EPS8L2: variants seen among roughly 807,000 people sequenced by gnomAD.
EPS8L2 encodes epidermal growth factor receptor kinase substrate 8-like protein 2.
A neutral mutation model predicts 99.4 loss-of-function variants in EPS8L2; 81 were observed. That is an observed-to-expected ratio of 0.82 (90% CI 0.68 to 0.98). The LOEUF is 0.98. Ranked by LOEUF, EPS8L2 falls within the 50% of genes least tolerant of loss-of-function variation. EPS8L2 has a pLI of 0.00. For missense variants in EPS8L2, 1,155 were observed against 968.8 expected, an observed-to-expected ratio of 1.19 and a Z score of -2.55; for synonymous variants, 509 against 407.3, an observed-to-expected ratio of 1.25 and a Z score of -3.01.
intron 1 of EPS8L2, among the ~76,000 whole-genome samples, chr11:707,142 CCCCTCCTGGG>C (rs1861746858): frequency 3.9e-5 from 6 of 151,942 alleles, no homozygotes; most frequent in Non-Finnish European, 7.4e-5. Context: ...CCCCTCGCGG[CCCCTCCTGGG>C]TCCCAGCCTC....
In EPS8L2 at chr11:709,627, C is replaced by G; in HGVS notation, c.100+19C>G. The G allele has an allele frequency of 6.2e-7, 1 of 1,611,726 alleles. No homozygotes were observed. Among genetic ancestry groups the G allele is most frequent in the Non-Finnish European group, 8.5e-7 (1 of 1,179,604 alleles). On this transcript the variant is annotated intron_variant, in intron 3 of 20. Coordinates refer to ENST00000318562, the MANE Select transcript of EPS8L2 (RefSeq NM_022772.4). ...CTGTTTGGTGAGTGAGGTTTGAGAACGGGCTGGACGTCACAGGGGAGAAAT... is the reference window on the plus strand; with the variant it reads ...CTGTTTGGTGAGTGAGGTTTGAGAAGGGGCTGGACGTCACAGGGGAGAAAT...
intron 1 of EPS8L2, among the ~76,000 whole-genome samples, chr11:707,905 A>T (rs1394560561): frequency 6.6e-6 from 1 of 152,126 alleles, no homozygotes; most frequent in Non-Finnish European, 1.5e-5. Flanking sequence ...GAATCCCATT[A>T]AGCAAACACT....
Position 721,223 on chromosome 11 carries a change from G to A in EPS8L2, c.700+17G>A, listed in dbSNP as rs1411703288. On this transcript the variant is annotated intron_variant, in intron 8 of 20. Coordinates refer to ENST00000318562, the MANE Select transcript of EPS8L2 (RefSeq NM_022772.4). ...GCGAGCCAGGTGGGCCGAGGGGCTG[G>A]AGGGGGCTCCACAGGGCTCGTTGTG... 7 of 1,534,182 alleles carry A rather than the reference G, an allele frequency of 4.6e-6. No homozygotes were observed. In the Admixed American group the frequency reaches 6.0e-5, roughly 13 times the overall value.
chr11:717,710 C>G lies in EPS8L2; in HGVS notation c.166-2352C>G, dbSNP rs1590051327. 3.3e-5 allele frequency among the ~76,000 whole-genome samples: 5 copies of G among 152,086 alleles called. No individual in the cohort carries two copies. The South Asian group carries it at 1.0e-3, about 32-fold the overall frequency. On this transcript the variant is annotated intron_variant, in intron 4 of 20. Coordinates refer to ENST00000318562, the MANE Select transcript of EPS8L2 (RefSeq NM_022772.4). ...CCTGGGCAACATAGCAAGCCCTTGTCTCTAGAAAAAATAAATAGGCAGGGC... is the reference window on the plus strand; with the variant it reads ...CCTGGGCAACATAGCAAGCCCTTGTGTCTAGAAAAAATAAATAGGCAGGGC...
At chr11:707,211 G>A (rs187648303) in intron 1 of EPS8L2, among the ~76,000 whole-genome samples, 7 of 152,174 alleles carry the variant, frequency 4.6e-5, no homozygotes, top group African/African-American at 1.7e-4. Context: ...CTCTCCCACC[G>A]GGCCTTCTCC....
chr11:718,721 T>G (rs1590051896), intron 4 of EPS8L2, among the ~76,000 whole-genome samples: 1 of 151,080 alleles, frequency 6.6e-6, no homozygotes, highest in South Asian at 2.1e-4. Context: ...CAGGCTGGAG[T>G]GCAGTGGCAC....
chr11:724,464 G>A lies in EPS8L2; in HGVS notation c.1455-260G>A. ...AGACCCCTGAGGTGGCCTGGGATGG[G>A]CCAGCCTTGCTGTACCACAGGCCCC... is the stretch of plus-strand genomic sequence containing the variant. On this transcript the variant is annotated intron_variant, in intron 15 of 20. Coordinates refer to ENST00000318562, the MANE Select transcript of EPS8L2 (RefSeq NM_022772.4). This position sits in a 1 kb window ranked among gnomAD's most constrained non-coding sequence, Gnocchi z 5.5. The A allele has an allele frequency of 2.0e-6, 1 of 510,972 alleles. No individual in the cohort carries two copies. Among genetic ancestry groups the A allele is most frequent in the South Asian group, 2.1e-5 (1 of 47,316 alleles). 31.7% of individuals were successfully genotyped at this position (510,972 alleles called of 1,614,324 possible). A position where few individuals can be genotyped will look rare whatever the true frequency, so the allele number is the denominator to read the frequency against.
intron 4 of EPS8L2, among the ~76,000 whole-genome samples, chr11:715,482 A>C (rs1861997558): frequency 6.6e-6 from 1 of 152,094 alleles, no homozygotes; most frequent in African/African-American, 2.4e-5. Flanking sequence ...CAAGTTTATT[A>C]ACCTTCTCAT....
chr11:726,101 G>A lies in EPS8L2; in HGVS notation c.1684G>A (p.Gly562Ser), dbSNP rs376984228. 1.9e-6 allele frequency: 3 copies of A among 1,591,554 alleles called. No homozygotes were observed. The highest frequency in any genetic ancestry group is 2.7e-5 in the African/African-American group (2 of 74,176). ...TAATCGCCCCCCGCCCCCGCAGGCC[G>A]GTCAGAAGTACTGGGGCCCCGCCAG... ...EDAGAPFEQA[G>S]QKYWGPASPT... Residue 562 changes from glycine to serine, a missense_variant, in exon 18 of 21, where the codon GGT (glycine) becomes AGT (serine). Physicochemically the swap from Gly to Ser is moderately conservative, Grantham distance 56 (BLOSUM62 0). Transcript: ENST00000318562.
At chr11:720,487 C>G in intron 5 of EPS8L2, 110 bp from the exon 6 acceptor site, 1 of 1,502,674 alleles carries the variant, frequency 6.7e-7, no homozygotes, top group Non-Finnish European at 9.0e-7. Context: ...AGCCCATTCC[C>G]CAGCGGCGCC....
At chr11:725,512 G>A (rs978642723) in intron 16 of EPS8L2, among the ~76,000 whole-genome samples, 1 of 152,086 alleles carries the variant, frequency 6.6e-6, no homozygotes, top group African/African-American at 2.4e-5. Context: ...CCCTGTCTCC[G>A]AGAAAAAAAG....
Position 709,464 on chromosome 11 carries a change from A to AAC in EPS8L2, c.44+13_44+14insAC. ...CGGGTGCCACCAAGTGAGCCCTCCC[A>AAC]CCCATCCCGAATACCCCACCCTCAC... On this transcript the variant is annotated intron_variant, in intron 2 of 20. Transcript: ENST00000318562. The AAC allele has an allele frequency of 1.6e-5, 12 of 753,592 alleles. No individual in the cohort carries two copies. The highest frequency in any genetic ancestry group is 2.4e-5 in the Non-Finnish European group (11 of 458,628). 46.7% of individuals were successfully genotyped at this position (753,592 alleles called of 1,614,324 possible). A position where few individuals can be genotyped will look rare whatever the true frequency, so the allele number is the denominator to read the frequency against.
chr11:709,883 G>A lies in EPS8L2; in HGVS notation c.100+275G>A, dbSNP rs911491954. 59 of 545,812 alleles carry A rather than the reference G, an allele frequency of 1.1e-4. 1 individual carries two copies. In the East Asian group the frequency reaches 1.2e-3, roughly 11 times the overall value. 33.8% of individuals were successfully genotyped at this position (545,812 alleles called of 1,614,324 possible). ...CTCATTGCTGTAACCTGATCACAGCGAGGTTCAGGCAGGATAAGCCGCCAG... is the reference window on the plus strand; with the variant it reads ...CTCATTGCTGTAACCTGATCACAGCAAGGTTCAGGCAGGATAAGCCGCCAG... On this transcript the variant is annotated intron_variant, in intron 3 of 20. Transcript: ENST00000318562.
intron 7 of EPS8L2, 39 bp downstream of exon 7, chr11:720,948 AG>A: frequency 1.2e-6 from 1 of 815,762 alleles, no homozygotes; most frequent in Non-Finnish European, 1.7e-6. Context: ...GGGGGCGGGG[AG>A]GGGAGGAGCC....
intron 4 of EPS8L2, among the ~76,000 whole-genome samples, chr11:719,613 G>T (rs938179784): frequency 1.3e-5 from 2 of 152,384 alleles, no homozygotes; most frequent in South Asian, 4.1e-4. Flanking sequence ...TAGCGAGCAC[G>T]CTGGACGCAC....
At chr11:707,450 C>T (rs373167767) in intron 1 of EPS8L2, among the ~76,000 whole-genome samples, 10 of 152,236 alleles carry the variant, frequency 6.6e-5, no homozygotes, top group African/African-American at 2.4e-4. Flanking sequence ...GTCCCTCTAC[C>T]CTCCTGCCCT....
Position 709,391 on chromosome 11 carries a change from C to T in EPS8L2, c.-17C>T, listed in dbSNP as rs556109584. On this transcript the variant is annotated 5_prime_UTR_variant, in exon 2 of 21. Transcript: ENST00000318562. ...CTGAGGTCTGCCCTTCTCCCGCTGG[C>T]CGCCACCCAAGACACCATGAGCCAG... 55 of 1,571,332 alleles carry T rather than the reference C, an allele frequency of 3.5e-5. No homozygotes were observed. Among genetic ancestry groups the T allele is most frequent in the Non-Finnish European group, 4.7e-5 (54 of 1,160,046 alleles).
Position 720,689 on chromosome 11 carries a change from C to T in EPS8L2, c.420C>T (p.Cys140=). The change falls in exon 6 of 21, where the codon TGC becomes TGT. Residue 140 remains cysteine, a synonymous_variant. Transcript: ENST00000318562. ...ACCCGTCTGTGCTGCTGCTCGTGTG[C>T]CAGGACTCGGAGCAGAGCAAGCCGG... The part of the protein sequence containing the change: ...LRYPSVLLLV[C]QDSEQSKPDV... 6.3e-7 allele frequency: 1 copy of T among 1,598,384 alleles called. No homozygotes were observed. The highest frequency in any genetic ancestry group is 8.5e-7 in the Non-Finnish European group (1 of 1,173,922).
At chr11:723,777 C>A (rs544595308) in intron 15 of EPS8L2, among the ~76,000 whole-genome samples, 23 of 151,818 alleles carry the variant, frequency 1.5e-4, no homozygotes, top group Non-Finnish European at 2.8e-4. Context: ...CCCAGCCCCA[C>A]CTGTTTCCAA....
Sources: allele counts gnomAD v4.1 joint callset (sites outside exome capture counted in the v4.1 genomes callset), GRCh38; gene constraint gnomAD v4.1.1; non-coding constraint Gnocchi (gnomAD v3.1); transcripts MANE v1.5; gene names NCBI Gene and HGNC (gene_info 2026-07-23, HGNC 2026-07-21).